Variants in RAB3IP observed in about 807,000 individuals in gnomAD.
RAB3IP encodes the protein RAB3A interacting protein, also known as rab-3A-interacting protein.
In RAB3IP, 36 loss-of-function variants were observed where a neutral mutation model predicts 59.1. The observed-to-expected ratio is 0.61, with a 90% CI of 0.47 to 0.80. The LOEUF (loss-of-function observed/expected upper bound fraction) is 0.80, where lower values mean the gene tolerates loss of function less well. Among genes scored for constraint, RAB3IP ranks in the 30% least tolerant of loss-of-function variants. RAB3IP has a pLI of 0.00. For synonymous variants in RAB3IP, 207 were observed against 191.2 expected (o/e 1.08, Z -0.68); for missense variants, 511 against 536.0 (o/e 0.95, Z 0.46).
At chr12:69,803,684 T>A (rs1431641330) in intron 8 of RAB3IP, among the ~76,000 whole-genome samples, 1 of 152,036 alleles carries the variant, frequency 6.6e-6, no homozygotes, top group Non-Finnish European at 1.5e-5. Flanking sequence ...TGTGTGATGT[T>A]CCCCTTCCTG....
intron 1 of RAB3IP, among the ~76,000 whole-genome samples, chr12:69,754,910 T>C (rs932603110): frequency 2.6e-4 from 40 of 152,328 alleles, no homozygotes; most frequent in East Asian, 1.2e-3. Context: ...TTTTAAAATA[T>C]TTTTAAAAAT....
intron 3 of RAB3IP, among the ~76,000 whole-genome samples, chr12:69,760,887 G>C (rs372647176): frequency 2.0e-5 from 3 of 152,130 alleles, no homozygotes; most frequent in East Asian, 3.9e-4. Context: ...AGTTTCTTCA[G>C]CTTTCTTATG....
intron 4 of RAB3IP, among the ~76,000 whole-genome samples, chr12:69,786,510 A>G (rs1195174874): frequency 6.6e-6 from 1 of 152,216 alleles, no homozygotes; most frequent in Admixed American, 6.5e-5. Context: ...GACTTGTTAC[A>G]TTTCTGAATA....
At chr12:69,741,319 G>T (rs1305858974) in intron 1 of RAB3IP, among the ~76,000 whole-genome samples, 1 of 152,196 alleles carries the variant, frequency 6.6e-6, no homozygotes, top group East Asian at 1.9e-4. Context: ...TGGTTACTTA[G>T]TTGTAGGTGG....
At chr12:69,770,736 A>G (rs1433169058) in intron 3 of RAB3IP, among the ~76,000 whole-genome samples, 5 of 152,310 alleles carry the variant, frequency 3.3e-5, no homozygotes, top group African/African-American at 4.8e-5. Flanking sequence ...GTAATTTTAT[A>G]TATTTATGCA....
intron 8 of RAB3IP, 96 bp downstream of exon 8, chr12:69,801,817 A>G (rs1265476840): frequency 5.4e-6 from 4 of 745,776 alleles, no homozygotes; most frequent in Admixed American, 4.8e-5. Context: ...ATGTAGTTAT[A>G]TTTCCCTCAG....
chr12:69,796,222 C>A (rs192987105), intron 6 of RAB3IP: 2 of 152,804 alleles, frequency 1.3e-5, no homozygotes, highest in African/African-American at 4.8e-5. Context: ...ATCCCTTGAA[C>A]CTGGGAGGCG....
intron 3 of RAB3IP, among the ~76,000 whole-genome samples, chr12:69,782,284 G>T (rs10748134): frequency 1.3e-5 from 2 of 152,202 alleles, no homozygotes; most frequent in Admixed American, 1.3e-4. Context: ...CCTGCCTCAG[G>T]CTTCTGAGTA....
Position 69,817,020 on chromosome 12 carries a change from A to G in RAB3IP, c.*1574A>G, listed in dbSNP as rs895985553. On this transcript the variant is annotated 3_prime_UTR_variant, in exon 11 of 11. Coordinates refer to ENST00000247833, the MANE Select transcript of RAB3IP (RefSeq NM_022456.5). The stretch of plus-strand genomic sequence containing the variant: ...AAAATAGTTATTCTAATGTGAGGGC[A>G]TTAATAAGAATATGTACCATCAAAG... The G allele has an allele frequency of 6.6e-6, 1 of 152,258 alleles. No individual in the cohort carries two copies. The highest frequency in any genetic ancestry group is 1.5e-5 in the Non-Finnish European group (1 of 68,044). The allele number at this position is 152,258 out of a possible 1,614,324, so 9.4% of individuals were successfully genotyped here. A position where few individuals can be genotyped will look rare whatever the true frequency, so the allele number is the denominator to read the frequency against.
chr12:69,811,939 T>G (rs1337013766), intron 8 of RAB3IP: 1 of 152,208 alleles, frequency 6.6e-6, no homozygotes, highest in Non-Finnish European at 1.5e-5. Flanking sequence ...ATGCTAATTT[T>G]GCATTGATGG....
chr12:69,769,529 T>C (rs1872763967), intron 3 of RAB3IP, among the ~76,000 whole-genome samples: 1 of 152,206 alleles, frequency 6.6e-6, no homozygotes, highest in Non-Finnish European at 1.5e-5. Context: ...CCCTGGTATC[T>C]GGGGTGTCTT....
intron 3 of RAB3IP, among the ~76,000 whole-genome samples, chr12:69,768,633 C>T (rs61930171): frequency 0.11 from 16,378 of 152,188 alleles, 1,195 homozygotes; most frequent in Non-Finnish European, 0.16. Flanking sequence ...CAGTGTCTCA[C>T]GCAGATCAGT....
At chr12:69,799,442 A>G (rs952322605) in intron 6 of RAB3IP, among the ~76,000 whole-genome samples, 2 of 152,128 alleles carry the variant, frequency 1.3e-5, no homozygotes, top group African/African-American at 4.8e-5. Context: ...ACTTGGGGAA[A>G]ATTTATTAGG....
intron 5 of RAB3IP, 57 bp downstream of exon 5, chr12:69,794,571 ATACCT>A (rs1354070504): frequency 7.7e-7 from 1 of 1,299,968 alleles, no homozygotes; most frequent in African/African-American, 1.5e-5. Context: ...TGTTTTAAAG[ATACCT>A]TAACATCTGT....
rs1372944631 is a variant in RAB3IP at position 69,801,555 on chromosome 12, A to G, written c.1018-54A>G. On this transcript the variant is annotated intron_variant, in intron 7 of 10. Transcript: ENST00000247833. Reference sequence around the variant, plus strand: ...TAAAATTCGTTTACTGTAGAATACAATTTTGATATTTTTCTGCCAGTATAG... The same window carrying G: ...TAAAATTCGTTTACTGTAGAATACAGTTTTGATATTTTTCTGCCAGTATAG... 9 of 1,097,776 alleles carry G rather than the reference A, an allele frequency of 8.2e-6. No individual in the cohort carries two copies. The African/African-American group carries it at 1.4e-4, about 17-fold the overall frequency. 68.0% of individuals were successfully genotyped at this position (1,097,776 alleles called of 1,614,324 possible).
intron 3 of RAB3IP, among the ~76,000 whole-genome samples, chr12:69,784,222 A>G (rs2136203121): frequency 1.3e-5 from 2 of 152,240 alleles, no homozygotes; most frequent in African/African-American, 4.8e-5. Flanking sequence ...ATATCTGGTT[A>G]CATTGTTTAA....
chr12:69,758,373 C>T (rs1870564222), intron 3 of RAB3IP, among the ~76,000 whole-genome samples: 1 of 152,150 alleles, frequency 6.6e-6, no homozygotes, highest in African/African-American at 2.4e-5. Flanking sequence ...CTGTTTGTCT[C>T]ATTTGTTCCT....
At chr12:69,796,655 G>A (rs1379713433) in intron 6 of RAB3IP, 1 of 617,876 alleles carries the variant, frequency 1.6e-6, no homozygotes, top group Non-Finnish European at 2.9e-6. Context: ...TAAGAGAGAA[G>A]TTCAATACTT....
At position 69,822,715 on chromosome 12, in the gene RAB3IP, A is replaced by G. The variant is rs983313627; in HGVS notation, c.*7269A>G. Reference sequence around the variant, plus strand: ...AAATGATAAATGTTTGAGGTGATGGATACCCCAATTACCCTGATTTGATCA... The same window carrying G: ...AAATGATAAATGTTTGAGGTGATGGGTACCCCAATTACCCTGATTTGATCA... On this transcript the variant is annotated 3_prime_UTR_variant, in exon 11 of 11. Coordinates refer to ENST00000247833, the MANE Select transcript of RAB3IP (RefSeq NM_022456.5). The G allele has an allele frequency of 6.6e-6, 1 of 152,196 alleles. No individual in the cohort carries two copies. The highest frequency in any genetic ancestry group is 2.4e-5 in the African/African-American group (1 of 41,430). 9.4% of individuals were successfully genotyped at this position (152,196 alleles called of 1,614,324 possible).
Sources: allele counts gnomAD v4.1 joint callset (sites outside exome capture counted in the v4.1 genomes callset), GRCh38; gene constraint gnomAD v4.1.1; transcripts MANE v1.5; gene names NCBI Gene and HGNC (gene_info 2026-07-23, HGNC 2026-07-21).